The following RGMA variants were observed in gnomAD, a reference collection of about 807,000 sequenced individuals.
The protein encoded by RGMA is repulsive guidance molecule BMP co-receptor a.
Under a neutral mutation model 23.2 loss-of-function variants are expected in RGMA, and 10 were observed. That is an observed-to-expected ratio of 0.43 (90% CI 0.27 to 0.73). The LOEUF (loss-of-function observed/expected upper bound fraction) is 0.73, where lower values mean the gene tolerates loss of function less well. Ranked by LOEUF, RGMA falls within the 30% of genes least tolerant of loss-of-function variation. The pLI, the probability that RGMA is intolerant of heterozygous loss-of-function variation, is 0.20. For missense variants in RGMA, 547 were observed against 630.5 expected, an observed-to-expected ratio of 0.87 and a Z score of 1.42; for synonymous variants, 308 against 279.3, an observed-to-expected ratio of 1.10 and a Z score of -1.03.
chr15:93,076,197 T>C (rs1358403879), intron 1 of RGMA, among the ~76,000 whole-genome samples: 2 of 152,200 alleles, frequency 1.3e-5, no homozygotes, highest in Non-Finnish European at 2.9e-5. Flanking sequence ...CTCTCATGCA[T>C]GACTCTTGCC....
intron 1 of RGMA, among the ~76,000 whole-genome samples, chr15:93,083,537 C>T (rs1213592460): frequency 6.6e-6 from 1 of 152,124 alleles, no homozygotes; most frequent in Non-Finnish European, 1.5e-5. Flanking sequence ...CCATGTTGGC[C>T]AGGCTGGTCT....
intron 1 of RGMA, among the ~76,000 whole-genome samples, chr15:93,074,834 G>C (rs1895444261): frequency 6.6e-6 from 1 of 152,210 alleles, no homozygotes; most frequent in South Asian, 2.1e-4. Context: ...GCACAGAGGT[G>C]ACCAAGTGGC....
intron 3 of RGMA, 117 bp downstream of exon 3, chr15:93,051,876 G>A (rs1229951324): frequency 3.9e-5 from 43 of 1,113,376 alleles, no homozygotes; most frequent in African/African-American, 9.3e-5. Flanking sequence ...CTGTGTCCCC[G>A]CTCCGCTCCG....
At chr15:93,067,551 C>T (rs953756800) in intron 2 of RGMA, among the ~76,000 whole-genome samples, 5 of 151,164 alleles carry the variant, frequency 3.3e-5, no homozygotes, top group African/African-American at 9.7e-5. Context: ...CAGGTGTCCC[C>T]GGCGTCGGGG....
At chr15:93,046,039 A>C (rs1481565358) in intron 3 of RGMA, among the ~76,000 whole-genome samples, 1 of 152,252 alleles carries the variant, frequency 6.6e-6, no homozygotes, top group Admixed American at 6.5e-5. Flanking sequence ...TCAAAAGCCC[A>C]GTGTGGTAGG....
chr15:93,046,331 A>C (rs117088732), intron 3 of RGMA, among the ~76,000 whole-genome samples: 1 of 152,174 alleles, frequency 6.6e-6, no homozygotes, highest in Non-Finnish European at 1.5e-5. Flanking sequence ...GGCAACCACC[A>C]AAAGCTGGAA....
chr15:93,056,073 G>GCCCCAGTAGC, intron 2 of RGMA, among the ~76,000 whole-genome samples: 1 of 152,210 alleles, frequency 6.6e-6, no homozygotes, highest in East Asian at 1.9e-4. Flanking sequence ...AGCTCGGCAG[G>GCCCCAGTAGC]CCCCAGTAGC....
chr15:93,059,987 A>AAGCTGCGTTGAACACAGAGCC lies in RGMA; in HGVS notation c.131-7501_131-7481dup, dbSNP rs536020953. ...GAAGAGGAAAGCTGCTTTTCAGAGCAAGCTGCGTTGAACACAGAGCCAGCT... is the reference window on the plus strand; with the variant it reads ...GAAGAGGAAAGCTGCTTTTCAGAGCAAGCTGCGTTGAACACAGAGCCAGCTGCGTTGAACACAGAGCCAGCT... On this transcript the variant is annotated intron_variant, in intron 2 of 3. Transcript: ENST00000329082. 3.4e-4 allele frequency among the ~76,000 whole-genome samples: 52 copies of AAGCTGCGTTGAACACAGAGCC among 152,368 alleles called. 1 individual carries two copies. The highest frequency in any genetic ancestry group is 1.2e-3 in the African/African-American group (50 of 41,592).
intron 1 of RGMA, among the ~76,000 whole-genome samples, chr15:93,079,528 T>C (rs1436300231): frequency 6.6e-6 from 1 of 152,190 alleles, no homozygotes; most frequent in Non-Finnish European, 1.5e-5. Flanking sequence ...CTATTTAAAA[T>C]GACCCTTCTG....
At position 93,044,654 on chromosome 15, in the gene RGMA, G is replaced by A. The variant is rs893193074; in HGVS notation, c.*344C>T. The A allele has an allele frequency of 4.4e-5, 16 of 360,212 alleles. No individual in the cohort carries two copies. In the Admixed American group the frequency reaches 6.5e-4, roughly 15 times the overall value. 22.3% of individuals were successfully genotyped at this position (360,212 alleles called of 1,614,324 possible). A position where few individuals can be genotyped will look rare whatever the true frequency, so the allele number is the denominator to read the frequency against. ...CGGGCCTTTCAGTGCATTGCGAGGG[G>A]GAAGGAGCTGACTCTGACGGTTCCC... On this transcript the variant is annotated 3_prime_UTR_variant, in exon 4 of 4. Coordinates refer to ENST00000329082, the MANE Select transcript of RGMA (RefSeq NM_020211.3).
rs374412558 is a variant in RGMA, at chr15:93,044,648, C to T, written c.*350G>A. On this transcript the variant is annotated 3_prime_UTR_variant, in exon 4 of 4. Transcript: ENST00000329082. ...GTCGGCCGGGCCTTTCAGTGCATTG[C>T]GAGGGGGAAGGAGCTGACTCTGACG... 6.1e-5 allele frequency: 20 copies of T among 325,616 alleles called. No individual in the cohort carries two copies. The highest frequency in any genetic ancestry group is 3.6e-4 in the East Asian group (6 of 16,602). 20.2% of individuals were successfully genotyped at this position (325,616 alleles called of 1,614,324 possible). A position where few individuals can be genotyped will look rare whatever the true frequency, so the allele number is the denominator to read the frequency against.
At chr15:93,071,956 G>T (rs1895340666) in intron 2 of RGMA, among the ~76,000 whole-genome samples, 1 of 152,160 alleles carries the variant, frequency 6.6e-6, no homozygotes, top group Admixed American at 6.5e-5. Flanking sequence ...GTGACATTGT[G>T]TTTATTTGTA....
chr15:93,052,929 G>C (rs995249510), intron 2 of RGMA, among the ~76,000 whole-genome samples: 3 of 152,228 alleles, frequency 2.0e-5, no homozygotes, highest in Non-Finnish European at 4.4e-5. Flanking sequence ...TGTGTCCCCA[G>C]TCCTGGCATT....
chr15:93,069,415 A>G (rs1320468395), intron 2 of RGMA, among the ~76,000 whole-genome samples: 3 of 152,192 alleles, frequency 2.0e-5, no homozygotes, highest in Non-Finnish European at 4.4e-5. Context: ...TGGCCGATGC[A>G]TTTTTGAATA....
chr15:93,048,072 A>G (rs2054855566), intron 3 of RGMA, among the ~76,000 whole-genome samples: 1 of 152,126 alleles, frequency 6.6e-6, no homozygotes, highest in Admixed American at 6.5e-5. Flanking sequence ...CCTCAGGACC[A>G]GGTGCTAAGA....
At position 93,035,317 on chromosome 15, in the gene RGMA, G is replaced by A. The variant is rs1238750865; in HGVS notation, c.*9681C>T. 6.6e-6 allele frequency: 1 copy of A among 152,288 alleles called. No individual in the cohort carries two copies. Among genetic ancestry groups the A allele is most frequent in the Non-Finnish European group, 1.5e-5 (1 of 68,112 alleles). 9.4% of individuals were successfully genotyped at this position (152,288 alleles called of 1,614,324 possible). ...TGACGGCATATGTTAAAGACAGTAA[G>A]AAAGACTTTATTTGAGGTGGGGGGC... On this transcript the variant is annotated 3_prime_UTR_variant, in exon 4 of 4. Transcript: ENST00000329082.
At chr15:93,048,756 G>A (rs571204838) in intron 3 of RGMA, among the ~76,000 whole-genome samples, 8 of 152,190 alleles carry the variant, frequency 5.3e-5, no homozygotes, top group Non-Finnish European at 1.0e-4. Context: ...CCACCCACTG[G>A]CCAGCCCACC....
intron 1 of RGMA, among the ~76,000 whole-genome samples, chr15:93,083,141 A>T (rs777856424): frequency 6.6e-6 from 1 of 152,258 alleles, no homozygotes. Context: ...TTTACTCATG[A>T]AGAAATCAGA....
At chr15:93,079,027 T>C (rs112108280) in intron 1 of RGMA, among the ~76,000 whole-genome samples, 2,755 of 152,370 alleles carry the variant, frequency 0.018, 76 homozygotes, top group African/African-American at 0.063. Flanking sequence ...ATCCTGCAGT[T>C]AATCACCATT....
Sources: allele counts gnomAD v4.1 joint callset (sites outside exome capture counted in the v4.1 genomes callset), GRCh38; gene constraint gnomAD v4.1.1; transcripts MANE v1.5; gene names NCBI Gene and HGNC (gene_info 2026-07-23, HGNC 2026-07-21).